The following CNTN3 variants were observed in gnomAD, a reference collection of about 807,000 sequenced individuals.
CNTN3 encodes the protein contactin 3.
A neutral mutation model predicts 119.1 loss-of-function variants in CNTN3; 60 were observed. That is an observed-to-expected ratio of 0.50 (90% CI 0.41 to 0.62). The LOEUF (loss-of-function observed/expected upper bound fraction) is 0.62, where lower values mean the gene tolerates loss of function less well. CNTN3 is among the 20% of genes least tolerant of loss of function. The pLI is 0.00. For synonymous variants in CNTN3, 450 were observed against 438.7 expected, an observed-to-expected ratio of 1.03 and a Z score of -0.32; for missense variants, 1,101 against 1,242.4, an observed-to-expected ratio of 0.89 and a Z score of 1.71.
At chr3:74,608,124 G>C (rs1376387225) in intron 1 of CNTN3, among the ~76,000 whole-genome samples, 1 of 152,144 alleles carries the variant, frequency 6.6e-6, no homozygotes, top group Non-Finnish European at 1.5e-5. Flanking sequence ...AAAAAATGCA[G>C]ATTAGCAAGC....
chr3:74,560,245 T>A (rs899370648), intron 1 of CNTN3, among the ~76,000 whole-genome samples: 1 of 152,170 alleles, frequency 6.6e-6, no homozygotes, highest in Non-Finnish European at 1.5e-5. Flanking sequence ...GAGGATCAGA[T>A]AAGTTAATAC....
intron 5 of CNTN3, among the ~76,000 whole-genome samples, chr3:74,378,134 G>T (rs750065929): frequency 6.6e-6 from 1 of 152,126 alleles, no homozygotes; most frequent in Non-Finnish European, 1.5e-5. Flanking sequence ...TTTTATCACC[G>T]ATTCATACAA....
At chr3:74,477,120 G>A (rs1173183962) in intron 4 of CNTN3, among the ~76,000 whole-genome samples, 1 of 152,094 alleles carries the variant, frequency 6.6e-6, no homozygotes, top group Non-Finnish European at 1.5e-5. Context: ...CATGCATTAT[G>A]TGCTAGACAG....
At chr3:74,268,660 G>A (rs971216160) in intron 20 of CNTN3, among the ~76,000 whole-genome samples, 2 of 152,090 alleles carry the variant, frequency 1.3e-5, no homozygotes, top group African/African-American at 2.4e-5. Flanking sequence ...GAGCTGCTGT[G>A]CTCTGCTAAT....
intron 11 of CNTN3, among the ~76,000 whole-genome samples, chr3:74,355,870 C>T (rs1057036953): frequency 2.0e-5 from 3 of 152,000 alleles, no homozygotes; most frequent in Middle Eastern, 3.2e-3. Context: ...TATACACTGT[C>T]ATTGACAATA....
In CNTN3 at chr3:74,371,275, A is replaced by G; in HGVS notation, c.579T>C (p.Asn193=). The G allele has an allele frequency of 6.2e-7, 1 of 1,613,470 alleles. No individual in the cohort carries two copies. The highest frequency in any genetic ancestry group is 8.5e-7 in the Non-Finnish European group (1 of 1,179,684). ...ISKVEPSDVG[N]YTCVVTSMVT... ...CCATACTTGTCACCACACATGTGTAATTTCCCACATCAGACGGCTCCACCT... is the reference window on the plus strand; with the variant it reads ...CCATACTTGTCACCACACATGTGTAGTTTCCCACATCAGACGGCTCCACCT... The change falls in exon 6 of 23, where the codon AAT becomes AAC. Residue 193 remains asparagine (N), a synonymous_variant. Transcript: ENST00000263665.
chr3:74,377,136 T>C (rs915252881), intron 5 of CNTN3, among the ~76,000 whole-genome samples: 1 of 152,100 alleles, frequency 6.6e-6, no homozygotes, highest in East Asian at 1.9e-4. Context: ...AAAAATCAAA[T>C]TTGCATTGAA....
chr3:74,388,659 C>T (rs1389278713), intron 5 of CNTN3, among the ~76,000 whole-genome samples: 2 of 152,082 alleles, frequency 1.3e-5, no homozygotes, highest in South Asian at 2.1e-4. Context: ...TCTTTGAATA[C>T]ACAATATACC....
intron 20 of CNTN3, among the ~76,000 whole-genome samples, chr3:74,275,181 C>A (rs191656981): frequency 6.6e-6 from 1 of 152,098 alleles, no homozygotes; most frequent in African/African-American, 2.4e-5. Context: ...TAAGAATAAT[C>A]GGCATTCCTA....
At chr3:74,270,224 C>A (rs562148497) in intron 20 of CNTN3, among the ~76,000 whole-genome samples, 1 of 152,246 alleles carries the variant, frequency 6.6e-6, no homozygotes, top group African/African-American at 2.4e-5. Flanking sequence ...CATTGGCATC[C>A]CATAGATATG....
At chr3:74,486,065 G>A (rs1352867864) in intron 4 of CNTN3, among the ~76,000 whole-genome samples, 1 of 149,014 alleles carries the variant, frequency 6.7e-6, no homozygotes, top group African/African-American at 2.5e-5. Context: ...TTCTTCAAAA[G>A]CAAGGACCAT....
chr3:74,486,222 A>ACC (rs1212594649), intron 4 of CNTN3, among the ~76,000 whole-genome samples: 93 of 148,900 alleles, frequency 6.2e-4, no homozygotes, highest in Non-Finnish European at 9.4e-4. Flanking sequence ...ACACACACAC[A>ACC]CCCCTACATG....
rs1701742648 is a variant in CNTN3, at chr3:74,429,083, A to C, written c.359-4143T>G. On this transcript the variant is annotated intron_variant, in intron 4 of 22. Coordinates refer to ENST00000263665, the MANE Select transcript of CNTN3 (RefSeq NM_020872.3). Reference sequence around the variant, plus strand: ...CACCTAATGATGCATTTCTCAGAACATATCCCTGTCATTAAGTGACACATG... The same window carrying C: ...CACCTAATGATGCATTTCTCAGAACCTATCCCTGTCATTAAGTGACACATG... Among the ~76,000 whole-genome samples the C allele has an allele frequency of 2.0e-5, 3 of 152,214 alleles. No individual in the cohort carries two copies. In the South Asian group the frequency reaches 6.2e-4, roughly 32 times the overall value.
chr3:74,300,294 C>T (rs1357821542), intron 16 of CNTN3, among the ~76,000 whole-genome samples: 2 of 152,116 alleles, frequency 1.3e-5, no homozygotes, highest in Non-Finnish European at 2.9e-5. Flanking sequence ...TGTGACTATT[C>T]CAAGTAGAAT....
At chr3:74,592,733 T>C (rs1704725801) in intron 1 of CNTN3, among the ~76,000 whole-genome samples, 1 of 152,064 alleles carries the variant, frequency 6.6e-6, no homozygotes, top group South Asian at 2.1e-4. Context: ...AGTTAATCTT[T>C]AGAATAACCT....
At chr3:74,321,426 A>C (rs1229089580) in intron 13 of CNTN3, among the ~76,000 whole-genome samples, 1 of 152,132 alleles carries the variant, frequency 6.6e-6, no homozygotes, top group Non-Finnish European at 1.5e-5. Context: ...CCTAGAGGAA[A>C]ATTTATGTCA....
intron 2 of CNTN3, among the ~76,000 whole-genome samples, chr3:74,514,158 A>T (rs1418728677): frequency 6.6e-6 from 1 of 152,132 alleles, no homozygotes; most frequent in East Asian, 1.9e-4. Context: ...ATGAAATCAC[A>T]TGTGCATAGT....
chr3:74,524,573 G>C (rs1175735748), intron 1 of CNTN3, among the ~76,000 whole-genome samples: 2 of 151,742 alleles, frequency 1.3e-5, no homozygotes, highest in Non-Finnish European at 2.9e-5. Context: ...GCAGAGTGAG[G>C]GAAGGAAATT....
At chr3:74,572,224 G>A (rs988298557) in intron 1 of CNTN3, among the ~76,000 whole-genome samples, 3 of 152,248 alleles carry the variant, frequency 2.0e-5, no homozygotes, top group East Asian at 1.9e-4. Context: ...AATTTGAAAT[G>A]AGCAAAACTT....
Sources: gnomAD v4.1 joint callset for allele counts (sites outside exome capture counted in the v4.1 genomes callset) on GRCh38, gnomAD v4.1.1 for gene constraint, MANE v1.5 for transcripts, NCBI Gene and HGNC (gene_info 2026-07-23, HGNC 2026-07-21) for gene names.